The following EXD1 variants were observed in gnomAD, a reference collection of about 807,000 sequenced individuals.
The protein encoded by EXD1 is exonuclease 3'-5' domain containing 1.
Under a neutral mutation model 49.1 loss-of-function variants are expected in EXD1, and 63 were observed. The observed-to-expected ratio is 1.28, with a 90% CI of 1.05 to 1.58. The LOEUF is 1.58. Among genes scored for constraint, EXD1 ranks in the 40% most tolerant of loss-of-function variants. The pLI is 0.00. For missense variants in EXD1, 748 were observed against 666.0 expected (o/e 1.12, Z -1.36); for synonymous variants, 234 against 239.2 (o/e 0.98, Z 0.20).
intron 10 of EXD1, 102 bp from the exon 11 acceptor site, chr15:41,190,230 T>TG: frequency 1.1e-5 from 13 of 1,234,382 alleles, no homozygotes; most frequent in Non-Finnish European, 1.3e-5. Context: ...ATCCCAGCAC[T>TG]CTGGGAGGCT....
intron 6 of EXD1, among the ~76,000 whole-genome samples, chr15:41,214,617 C>T (rs938361904): frequency 3.9e-5 from 6 of 152,176 alleles, no homozygotes; most frequent in Non-Finnish European, 5.9e-5. Context: ...CTGCCTCCTG[C>T]CCCCTTCCAT....
intron 6 of EXD1, among the ~76,000 whole-genome samples, chr15:41,213,189 T>A (rs2046948332): frequency 6.6e-6 from 1 of 151,140 alleles, no homozygotes; most frequent in South Asian, 2.1e-4. Flanking sequence ...ATTATTTTAT[T>A]TATTTACTTG....
chr15:41,188,464 C>T (rs1322049002), intron 11 of EXD1, among the ~76,000 whole-genome samples: 2 of 151,876 alleles, frequency 1.3e-5, no homozygotes, highest in African/African-American at 2.4e-5. Context: ...AGAATCTCGG[C>T]TCACTGCAAC....
intron 9 of EXD1, among the ~76,000 whole-genome samples, chr15:41,193,441 T>TG (rs879366576): frequency 1.3e-5 from 2 of 151,808 alleles, no homozygotes; most frequent in Non-Finnish European, 2.9e-5. Flanking sequence ...ACTCCGTTTC[T>TG]GGGGGGGAAA....
At chr15:41,206,474 G>GAA (rs34195951) in intron 7 of EXD1, among the ~76,000 whole-genome samples, 2 of 87,148 alleles carry the variant, frequency 2.3e-5, no homozygotes, top group Non-Finnish European at 5.2e-5. Context: ...ACCCTGTCTC[G>GAA]AAAAAAAAAA....
At chr15:41,211,592 G>A (rs754820830) in intron 6 of EXD1, among the ~76,000 whole-genome samples, 12 of 152,030 alleles carry the variant, frequency 7.9e-5, no homozygotes, top group Non-Finnish European at 1.3e-4. Flanking sequence ...GGAGGCTGAG[G>A]AGGACAGATT....
intron 2 of EXD1, among the ~76,000 whole-genome samples, chr15:41,223,762 G>A (rs2047123479): frequency 6.6e-6 from 1 of 151,702 alleles, no homozygotes; most frequent in Admixed American, 6.6e-5. Flanking sequence ...CTACTTGGGA[G>A]TCTGAGGCAG....
intron 11 of EXD1, among the ~76,000 whole-genome samples, chr15:41,189,348 A>G (rs566987578): frequency 1.3e-5 from 2 of 151,186 alleles, no homozygotes; most frequent in East Asian, 3.9e-4. Flanking sequence ...AGCCTGAGTG[A>G]CAGAGCGAGA....
chr15:41,189,439 G>A (rs950481377), intron 11 of EXD1, among the ~76,000 whole-genome samples: 8 of 148,070 alleles, frequency 5.4e-5, no homozygotes, highest in Non-Finnish European at 8.9e-5. Context: ...CAAGGTGGGC[G>A]GATCACAAGG....
At chr15:41,223,437 G>A (rs562069067) in intron 2 of EXD1, among the ~76,000 whole-genome samples, 55 of 149,836 alleles carry the variant, frequency 3.7e-4, no homozygotes, top group Non-Finnish European at 7.3e-4. Flanking sequence ...ATTTTTTTTC[G>A]GGGCTGGGTG....
chr15:41,206,139 A>G (rs902548532), intron 7 of EXD1, among the ~76,000 whole-genome samples: 2 of 152,160 alleles, frequency 1.3e-5, no homozygotes, highest in Non-Finnish European at 2.9e-5. Flanking sequence ...TGTAAAACTG[A>G]TAAATCAAGA....
intron 7 of EXD1, among the ~76,000 whole-genome samples, chr15:41,205,332 C>T (rs8038834): frequency 6.6e-6 from 1 of 152,022 alleles, no homozygotes; most frequent in Non-Finnish European, 1.5e-5. Context: ...TTGGCAGAAT[C>T]GTGTTTTTGT....
chr15:41,208,027 A>T (rs972027747), intron 7 of EXD1, among the ~76,000 whole-genome samples: 2 of 151,170 alleles, frequency 1.3e-5, no homozygotes, highest in South Asian at 4.2e-4. Flanking sequence ...AAAAAAAAAG[A>T]AAGAGAGAAA....
At chr15:41,226,949 C>CA (rs942572151) in intron 1 of EXD1, among the ~76,000 whole-genome samples, 2 of 151,732 alleles carry the variant, frequency 1.3e-5, no homozygotes, top group Non-Finnish European at 2.9e-5. Context: ...ATCATTATAA[C>CA]AAAAAAATGA....
chr15:41,189,998 A>C lies in EXD1; in HGVS notation c.995T>G (p.Leu332Arg). The change falls in exon 11 of 12, where the codon CTG becomes CGG. Residue 332 changes from leucine to arginine, a missense_variant. By Grantham distance (102) the Leu-to-Arg change is moderately radical. Transcript: ENST00000458580. ...ATACGTGTTTAGGTAACCATCCACC[A>C]GGGTGGTTAGGTCAGACATCATCTC... is the stretch of plus-strand genomic sequence containing the variant. ...LDEMMSDLTT[L>R]VDGYLNTYRE... is the part of the protein sequence containing the mutation. 1 of 1,614,108 alleles carries C rather than the reference A, an allele frequency of 6.2e-7. No homozygotes were observed. The highest frequency in any genetic ancestry group is 8.5e-7 in the Non-Finnish European group (1 of 1,180,006).
chr15:41,184,433 T>A lies in EXD1; in HGVS notation c.1217A>T (p.Glu406Val). The change falls in exon 12 of 12, where the codon GAG becomes GTG. Residue 406 changes from glutamate (E) to valine (V), a missense_variant. By Grantham distance (121) the Glu-to-Val change is moderately radical. Coordinates refer to ENST00000458580, the MANE Select transcript of EXD1 (RefSeq NM_001286441.2). Reference protein sequence around the residue: ...KKLVTETAGKEEKVKGFLFGK... With the variant: ...KKLVTETAGKVEKVKGFLFGK... ...AAATAAGAAGCCTTTGACTTTCTCC[T>A]CTTTCCCTGCTGTCTCTGTCACTAA... The A allele has an allele frequency of 1.1e-5, 17 of 1,614,200 alleles. No individual in the cohort carries two copies. The highest frequency in any genetic ancestry group is 1.4e-5 in the Non-Finnish European group (17 of 1,180,048).
chr15:41,192,000 T>G (rs1452423527), intron 9 of EXD1: 1 of 164,112 alleles, frequency 6.1e-6, no homozygotes, highest in Non-Finnish European at 1.3e-5. Context: ...CAGGCTGGAG[T>G]GCAGTGGCTA....
chr15:41,208,142 C>T (rs1011236675), intron 7 of EXD1, among the ~76,000 whole-genome samples: 15 of 151,784 alleles, frequency 9.9e-5, no homozygotes, highest in Admixed American at 7.2e-4. Flanking sequence ...ACCTGTGTTA[C>T]CAGGAAGTCT....
At chr15:41,199,719 A>AT (rs2046681450) in intron 7 of EXD1, among the ~76,000 whole-genome samples, 4 of 56,628 alleles carry the variant, frequency 7.1e-5, no homozygotes, top group Non-Finnish European at 1.4e-4. Context: ...TATATATGAT[A>AT]TATTATATAT....
Sources: gnomAD v4.1 joint callset for allele counts (sites outside exome capture counted in the v4.1 genomes callset) on GRCh38, gnomAD v4.1.1 for gene constraint, MANE v1.5 for transcripts, NCBI Gene and HGNC (gene_info 2026-07-23, HGNC 2026-07-21) for gene names.